The following TRHDE variants were observed in gnomAD, a reference collection of about 807,000 sequenced individuals.
TRHDE encodes the protein thyrotropin-releasing hormone-degrading ectoenzyme.
TRHDE carries 72 observed loss-of-function variants against 125.7 expected under a neutral mutation model. The observed-to-expected ratio is 0.57, with a 90% CI of 0.47 to 0.70. The LOEUF (loss-of-function observed/expected upper bound fraction) is 0.70, where lower values mean the gene tolerates loss of function less well. Ranked by LOEUF, TRHDE falls within the 30% of genes least tolerant of loss-of-function variation. TRHDE has a pLI of 0.00. For synonymous variants in TRHDE, 509 were observed against 509.1 expected (o/e 1.00, Z 0.00); for missense variants, 1,110 against 1,327.1 (o/e 0.84, Z 2.54).
At chr12:72,499,379 C>A in intron 5 of TRHDE, 119 bp from the exon 6 acceptor site, 1 of 1,296,152 alleles carries the variant, frequency 7.7e-7, no homozygotes, top group Non-Finnish European at 1.1e-6. Flanking sequence ...AGAGTTGAGT[C>A]ATGCCTTGGA....
chr12:72,291,074 G>C (rs1354347424), intron 2 of TRHDE, among the ~76,000 whole-genome samples: 3 of 152,172 alleles, frequency 2.0e-5, no homozygotes, highest in Non-Finnish European at 4.4e-5. Flanking sequence ...ATACTTGTCA[G>C]TGGGTCTCAT....
chr12:72,219,909 A>C (rs1208129596), intron 2 of TRHDE, among the ~76,000 whole-genome samples: 1 of 152,176 alleles, frequency 6.6e-6, no homozygotes, highest in Non-Finnish European at 1.5e-5. Context: ...ATAACATGGT[A>C]ATTACTCTCA....
At chr12:72,314,127 A>G (rs1476173802) in intron 2 of TRHDE, among the ~76,000 whole-genome samples, 2 of 152,190 alleles carry the variant, frequency 1.3e-5, no homozygotes, top group Non-Finnish European at 2.9e-5. Context: ...CTTAACTTGC[A>G]AGCAATGTAA....
At chr12:72,266,063 T>G (rs1879061259) in intron 2 of TRHDE, among the ~76,000 whole-genome samples, 1 of 152,036 alleles carries the variant, frequency 6.6e-6, no homozygotes, top group Non-Finnish European at 1.5e-5. Context: ...TAAACATTTA[T>G]GTATTAAGCA....
chr12:72,336,308 C>T (rs908516438), intron 2 of TRHDE, among the ~76,000 whole-genome samples: 1 of 152,166 alleles, frequency 6.6e-6, no homozygotes, highest in East Asian at 1.9e-4. Context: ...GCAGCTAATA[C>T]AATCTCTCCT....
chr12:72,268,745 T>G (rs1431699450), upstream of TRHDE, among the ~76,000 whole-genome samples: 2 of 152,196 alleles, frequency 1.3e-5, no homozygotes, highest in Non-Finnish European at 2.9e-5. Context: ...TAGTTCATTT[T>G]GATCATTTCA....
intron 2 of TRHDE, among the ~76,000 whole-genome samples, chr12:72,147,001 G>A (rs1440697539): frequency 2.6e-5 from 4 of 152,158 alleles, no homozygotes; most frequent in African/African-American, 9.6e-5. Context: ...CAACGGCCCT[G>A]GCCGAACTCC....
chr12:72,622,625 T>C (rs1472410270), intron 15 of TRHDE, among the ~76,000 whole-genome samples: 1 of 151,996 alleles, frequency 6.6e-6, no homozygotes, highest in East Asian at 1.9e-4. Flanking sequence ...TGAGGGATGA[T>C]CCCATGAGCA....
At chr12:72,159,012 C>T (rs1055808519) in intron 2 of TRHDE, among the ~76,000 whole-genome samples, 1 of 152,192 alleles carries the variant, frequency 6.6e-6, no homozygotes, top group Admixed American at 6.5e-5. Context: ...TCTACATAAG[C>T]TTGGGTCTGA....
In TRHDE at chr12:72,420,205, G is replaced by A. The variant is rs377628218; in HGVS notation, c.1315+42084G>A. Among the ~76,000 whole-genome samples, 6 of 152,270 alleles carry A rather than the reference G, an allele frequency of 3.9e-5. No individual in the cohort carries two copies. In the South Asian group the frequency reaches 1.2e-3, roughly 32 times the overall value. ...GATCAATACTAAAATTAGATTGAAT[G>A]CAGTTGATCGTCTCTAGTTTAGAAC... On this transcript the variant is annotated intron_variant, in intron 3 of 18. Coordinates refer to ENST00000261180, the MANE Select transcript of TRHDE (RefSeq NM_013381.3).
In TRHDE at chr12:72,406,046, C is replaced by T. The variant is rs1873252671; in HGVS notation, c.1315+27925C>T. 1.3e-5 allele frequency among the ~76,000 whole-genome samples: 2 copies of T among 152,154 alleles called. 1 individual carries two copies. Among genetic ancestry groups the T allele is most frequent in the South Asian group, 4.1e-4 (2 of 4,822 alleles). ...CTTGAAAAAGGAGGAGGAGAAGAAG[C>T]AGCAGCTTAAGTAACTTGGCTGTTT... On this transcript the variant is annotated intron_variant, in intron 3 of 18. Coordinates refer to ENST00000261180, the MANE Select transcript of TRHDE (RefSeq NM_013381.3).
chr12:72,447,164 G>C (rs1004197340), intron 3 of TRHDE, among the ~76,000 whole-genome samples: 2 of 151,986 alleles, frequency 1.3e-5, no homozygotes, highest in African/African-American at 4.8e-5. Context: ...ATAACAAACT[G>C]TCTCTCAGAC....
chr12:72,464,145 T>C (rs1212918502), intron 3 of TRHDE, among the ~76,000 whole-genome samples: 1 of 152,336 alleles, frequency 6.6e-6, no homozygotes, highest in Admixed American at 6.5e-5. Flanking sequence ...GGCAGCCTAC[T>C]ACAAGATGCT....
chr12:72,393,381 A>C (rs1374871195), intron 3 of TRHDE, among the ~76,000 whole-genome samples: 1 of 152,170 alleles, frequency 6.6e-6, no homozygotes, highest in Non-Finnish European at 1.5e-5. Flanking sequence ...AGGCCACTGC[A>C]GTCCCTGTTT....
At chr12:72,574,762 G>A (rs1870911013) in intron 10 of TRHDE, among the ~76,000 whole-genome samples, 1 of 152,028 alleles carries the variant, frequency 6.6e-6, no homozygotes, top group Non-Finnish European at 1.5e-5. Context: ...ATGTTGAAAA[G>A]TCTGTTATTT....
At chr12:72,546,393 G>T (rs932492549) in intron 7 of TRHDE, among the ~76,000 whole-genome samples, 7 of 151,522 alleles carry the variant, frequency 4.6e-5, no homozygotes, top group African/African-American at 1.5e-4. Flanking sequence ...GCCTCTCAAA[G>T]ACTTTGTAAT....
chr12:72,448,055 A>G (rs1395773109), intron 3 of TRHDE, among the ~76,000 whole-genome samples: 1 of 152,096 alleles, frequency 6.6e-6, no homozygotes, highest in Non-Finnish European at 1.5e-5. Context: ...GGTGTTTCAT[A>G]AGTCATCTCT....
At position 72,273,625 on chromosome 12, in the gene TRHDE, C is replaced by A; in HGVS notation, c.914+68C>A. 2 of 1,448,898 alleles carry A rather than the reference C, an allele frequency of 1.4e-6. No individual in the cohort carries two copies. The highest frequency in any genetic ancestry group is 1.9e-6 in the Non-Finnish European group (2 of 1,079,732). 89.8% of individuals were successfully genotyped at this position (1,448,898 alleles called of 1,614,324 possible). On this transcript the variant is annotated intron_variant, in intron 1 of 18. Transcript: ENST00000261180. The surrounding 1 kb of genome is among the most constrained non-coding windows in gnomAD (Gnocchi z 5.3). Reference sequence around the variant, plus strand: ...GCGGCTCGAACCTCTGGGCGGCCTGCGACCCCGGGGACCCAGCTGGCTTCC... The same window carrying A: ...GCGGCTCGAACCTCTGGGCGGCCTGAGACCCCGGGGACCCAGCTGGCTTCC...
chr12:72,097,265 T>G (rs1230486725), intron 1 of TRHDE, among the ~76,000 whole-genome samples: 2 of 152,120 alleles, frequency 1.3e-5, no homozygotes, highest in Admixed American at 1.3e-4. Flanking sequence ...TCTTCAACAG[T>G]TCCACCTATG....
Sources: allele counts gnomAD v4.1 joint callset (sites outside exome capture counted in the v4.1 genomes callset), GRCh38; gene constraint gnomAD v4.1.1; non-coding constraint Gnocchi (gnomAD v3.1); transcripts MANE v1.5; gene names NCBI Gene and HGNC (gene_info 2026-07-23, HGNC 2026-07-21).